The following CPEB3 variants were observed in gnomAD, a reference collection of about 807,000 sequenced individuals.
CPEB3 encodes the protein cytoplasmic polyadenylation element binding protein 3.
Under a neutral mutation model 67.2 loss-of-function variants are expected in CPEB3, and 20 were observed. The observed-to-expected ratio is 0.30, with a 90% CI of 0.21 to 0.43. The LOEUF (loss-of-function observed/expected upper bound fraction) is 0.43, where lower values mean the gene tolerates loss of function less well. Ranked by LOEUF, CPEB3 falls within the 20% of genes least tolerant of loss-of-function variation. CPEB3 has a pLI of 1.00. For synonymous variants in CPEB3, 376 were observed against 393.1 expected (o/e 0.96, Z 0.51); for missense variants, 746 against 968.6 (o/e 0.77, Z 3.05).
At chr10:92,164,811 C>T (rs1590279530) in intron 4 of CPEB3, among the ~76,000 whole-genome samples, 1 of 152,306 alleles carries the variant, frequency 6.6e-6, no homozygotes, top group East Asian at 1.9e-4. Flanking sequence ...CCTCCATTAT[C>T]CTGTTTTTCA....
chr10:92,142,983 C>T (rs1339742065), intron 6 of CPEB3, 46 bp downstream of exon 6: 1 of 1,368,918 alleles, frequency 7.3e-7, no homozygotes, highest in Admixed American at 1.8e-5. Flanking sequence ...AACTGTCATG[C>T]TATCTCTCCA....
chr10:92,192,632 C>A lies in CPEB3; in HGVS notation c.1010G>T (p.Arg337Leu). 1 of 1,580,418 alleles carries A rather than the reference C, an allele frequency of 6.3e-7. No homozygotes were observed. Among genetic ancestry groups the A allele is most frequent in the Non-Finnish European group, 8.6e-7 (1 of 1,164,454 alleles). ...NGNNLLPFQD[R>L]SRPYDTFNLH... ...GTTAAAAGTATCATAGGGCCTACTC[C>A]GGTCCTAAGAATAAAAACAAAAACA... Residue 337 changes from arginine (R) to leucine (L), a missense_variant, in exon 3 of 10, where the codon CGG becomes CTG. Coordinates refer to ENST00000265997, the MANE Select transcript of CPEB3 (RefSeq NM_014912.5).
chr10:92,268,020 G>A (rs1046841535), intron 1 of CPEB3, among the ~76,000 whole-genome samples: 2 of 151,976 alleles, frequency 1.3e-5, no homozygotes, highest in Non-Finnish European at 2.9e-5. Flanking sequence ...GTTTCACCAC[G>A]TCGGCCAGGA....
intron 9 of CPEB3, among the ~76,000 whole-genome samples, chr10:92,070,067 C>T (rs1033522629): frequency 1.3e-5 from 2 of 152,130 alleles, no homozygotes; most frequent in Non-Finnish European, 2.9e-5. Context: ...GAAAAACAAT[C>T]AACTGCTTAT....
chr10:92,085,451 G>A (rs927593860), intron 8 of CPEB3, among the ~76,000 whole-genome samples: 4 of 152,146 alleles, frequency 2.6e-5, no homozygotes, highest in Admixed American at 1.3e-4. Context: ...TGTGATGAGC[G>A]TCACTGTGCC....
intron 1 of CPEB3, among the ~76,000 whole-genome samples, chr10:92,249,528 A>C (rs1403600310): frequency 6.6e-6 from 1 of 152,066 alleles, no homozygotes; most frequent in Non-Finnish European, 1.5e-5. Context: ...CATGCCTGTA[A>C]TCGCAACTAC....
chr10:92,192,776 T>C (rs1849045336), intron 2 of CPEB3, 140 bp from the exon 3 acceptor site: 1 of 575,978 alleles, frequency 1.7e-6, no homozygotes, highest in Non-Finnish European at 2.9e-6. Context: ...TTCTTTTTAT[T>C]TGTTTATTTA....
At chr10:92,167,373 T>C (rs906946100) in intron 4 of CPEB3, among the ~76,000 whole-genome samples, 1 of 152,232 alleles carries the variant, frequency 6.6e-6, no homozygotes, top group Admixed American at 6.5e-5. Context: ...GCTTAATCAT[T>C]TCTAGTTTTT....
intron 4 of CPEB3, among the ~76,000 whole-genome samples, chr10:92,153,652 G>A (rs576710502): frequency 5.9e-5 from 9 of 152,192 alleles, no homozygotes; most frequent in Middle Eastern, 3.4e-3. Flanking sequence ...ATGGTGGTGC[G>A]TGCCTGTAAT....
chr10:92,081,206 G>A (rs1363031819), intron 9 of CPEB3, 114 bp downstream of exon 9: 1 of 1,080,084 alleles, frequency 9.3e-7, no homozygotes, highest in Admixed American at 1.8e-5. Flanking sequence ...ATGGACTAAT[G>A]CCATGCAAGG....
intron 4 of CPEB3, among the ~76,000 whole-genome samples, chr10:92,172,080 G>A (rs1036492013): frequency 1.3e-5 from 2 of 152,094 alleles, no homozygotes; most frequent in South Asian, 2.1e-4. Flanking sequence ...AGGATCCTAT[G>A]AGCCTAGGAG....
chr10:92,240,014 T>C lies in CPEB3; in HGVS notation c.337A>G (p.Thr113Ala), dbSNP rs777875611. ...TCCTCTACCGCGTTGGTGGTGCCCG[T>C]GGACCAGGTGCTGCCGAAGGACGGC... ...LSPSFGSTWS[T>A]GTTNAVEDSF... Residue 113 changes from threonine to alanine, a missense_variant, in exon 2 of 10, where the codon ACG becomes GCG. Physicochemically the swap from Thr to Ala is moderately conservative, Grantham distance 58 (BLOSUM62 0). Around this residue, in one of 2 missense-constraint regions of CPEB3, gnomAD observed 643 missense variants for 717.5 expected, o/e 0.90. Transcript: ENST00000265997. 3.7e-6 allele frequency: 6 copies of C among 1,608,198 alleles called. No homozygotes were observed. Among genetic ancestry groups the C allele is most frequent in the Non-Finnish European group, 5.1e-6 (6 of 1,177,762 alleles).
chr10:92,198,039 G>A (rs1382646274), intron 2 of CPEB3, among the ~76,000 whole-genome samples: 2 of 152,188 alleles, frequency 1.3e-5, no homozygotes, highest in African/African-American at 4.8e-5. Context: ...CCAGGAGGCG[G>A]AGGCTGCAGT....
chr10:92,245,678 G>A (rs549673191), intron 1 of CPEB3, among the ~76,000 whole-genome samples: 1 of 152,194 alleles, frequency 6.6e-6, no homozygotes, highest in African/African-American at 2.4e-5. Flanking sequence ...TCAACCCAAG[G>A]TTAATGTTAT....
intron 2 of CPEB3, among the ~76,000 whole-genome samples, chr10:92,195,532 T>G (rs947913158): frequency 6.6e-6 from 1 of 152,178 alleles, no homozygotes; most frequent in East Asian, 1.9e-4. Context: ...TAAAGAAGTA[T>G]GCTGATGAGG....
At chr10:92,213,527 A>G (rs1203143560) in intron 2 of CPEB3, among the ~76,000 whole-genome samples, 1 of 152,246 alleles carries the variant, frequency 6.6e-6, no homozygotes, top group African/African-American at 2.4e-5. Context: ...GTAGAGTAGG[A>G]GAACATAAGA....
At chr10:92,183,391 C>T (rs1209862096) in intron 3 of CPEB3, among the ~76,000 whole-genome samples, 1 of 152,112 alleles carries the variant, frequency 6.6e-6, no homozygotes, top group Non-Finnish European at 1.5e-5. Context: ...CCTACCACCA[C>T]CTTGATCAGA....
chr10:92,192,218 G>T (rs887639346), intron 3 of CPEB3, among the ~76,000 whole-genome samples: 1 of 152,046 alleles, frequency 6.6e-6, no homozygotes, highest in African/African-American at 2.4e-5. Context: ...CTGGTCTCAC[G>T]CTATTAACTC....
chr10:92,200,231 C>G (rs911906397), intron 2 of CPEB3, among the ~76,000 whole-genome samples: 2 of 152,110 alleles, frequency 1.3e-5, no homozygotes, highest in Non-Finnish European at 2.9e-5. Flanking sequence ...CAAGAACCCT[C>G]AAAATAGCCC....
Sources: allele counts gnomAD v4.1 joint callset (sites outside exome capture counted in the v4.1 genomes callset), GRCh38; gene constraint gnomAD v4.1.1; regional missense constraint gnomAD v4.1.1; transcripts MANE v1.5; gene names NCBI Gene and HGNC (gene_info 2026-07-23, HGNC 2026-07-21).